The following FBXO24 variants were observed in gnomAD, a reference collection of about 807,000 sequenced individuals.
FBXO24 encodes F-box protein 24, also known as F-box only protein 24.
A neutral mutation model predicts 63.5 loss-of-function variants in FBXO24; 30 were observed. The ratio of observed to expected loss-of-function variants is 0.47; its 90% CI spans 0.35 to 0.64. The LOEUF is 0.64. FBXO24 is among the 30% of genes least tolerant of loss of function. The pLI, the probability that FBXO24 is intolerant of heterozygous loss-of-function variation, is 0.00. For synonymous variants in FBXO24, 300 were observed against 305.0 expected, an observed-to-expected ratio of 0.98 and a Z score of 0.17; for missense variants, 624 against 763.4, an observed-to-expected ratio of 0.82 and a Z score of 2.15.
rs778479682 is a variant in FBXO24 at position 100,591,769 on chromosome 7, C to T, written c.425C>T (p.Thr142Ile). The T allele has an allele frequency of 6.2e-7, 1 of 1,614,268 alleles. No homozygotes were observed. Among genetic ancestry groups the T allele is most frequent in the Non-Finnish European group, 8.5e-7 (1 of 1,180,056 alleles). Residue 142 changes from threonine to isoleucine, a missense_variant, in exon 4 of 10, where the codon ACC (threonine) becomes ATC (isoleucine). By Grantham distance (89) the Thr-to-Ile change is moderately conservative. Around this residue, in one of 3 missense-constraint regions of FBXO24, gnomAD observed 391 missense variants for 469.1 expected, o/e 0.83. Coordinates refer to ENST00000241071, the MANE Select transcript of FBXO24 (RefSeq NM_033506.3). Reference sequence around the variant, plus strand: ...CACGGCTACCGCCGCTTCTTGCCCACCAAGGATCACGTCTTCATTCTTGAC... The same window carrying T: ...CACGGCTACCGCCGCTTCTTGCCCATCAAGGATCACGTCTTCATTCTTGAC... ...LAHGYRRFLP[T>I]KDHVFILDYV...
chr7:100,590,476 C>T (rs955900272), intron 3 of FBXO24, 119 bp downstream of exon 3: 30 of 1,017,256 alleles, frequency 2.9e-5, no homozygotes, highest in African/African-American at 1.6e-4. Flanking sequence ...CCCCTTTCTC[C>T]GGAAGAAACG....
intron 1 of FBXO24, among the ~76,000 whole-genome samples, chr7:100,587,026 G>A (rs989649026): frequency 6.6e-6 from 1 of 152,232 alleles, no homozygotes; most frequent in East Asian, 1.9e-4. Context: ...GACAGGAATG[G>A]AGAGGGGACC....
At position 100,600,516 on chromosome 7, in the gene FBXO24, T is replaced by G; in HGVS notation, c.1378-18T>G. ...GAAAGCACCACTCAGCCATGCCCCC[T>G]TTCTCTCCTCCTCCAAGGTCCCTCT... is the stretch of plus-strand genomic sequence containing the variant. On this transcript the variant is annotated intron_variant, in intron 9 of 9. Coordinates refer to ENST00000241071, the MANE Select transcript of FBXO24 (RefSeq NM_033506.3). The surrounding 1 kb of genome is among the most constrained non-coding windows in gnomAD (Gnocchi z 6.3). The G allele has an allele frequency of 6.5e-7, 1 of 1,532,424 alleles. No individual in the cohort carries two copies. Among genetic ancestry groups the G allele is most frequent in the Non-Finnish European group, 8.8e-7 (1 of 1,140,580 alleles). The allele number at this position is 1,532,424 out of a possible 1,614,324, so 94.9% of individuals were successfully genotyped here.
chr7:100,596,527 T>C (rs1802316991), intron 8 of FBXO24, among the ~76,000 whole-genome samples: 1 of 151,678 alleles, frequency 6.6e-6, no homozygotes, highest in East Asian at 1.9e-4. Context: ...GGTTCTGGAA[T>C]AGGAGAAGGC....
chr7:100,588,465 T>C (rs73156212), intron 1 of FBXO24, among the ~76,000 whole-genome samples: 13 of 152,140 alleles, frequency 8.5e-5, no homozygotes, highest in African/African-American at 3.1e-4. Flanking sequence ...AGCCTAGCCA[T>C]GGCTAGGCAC....
At chr7:100,589,564 G>A (rs1250561629) in intron 1 of FBXO24, 2 of 1,422,408 alleles carry the variant, frequency 1.4e-6, no homozygotes, top group African/African-American at 2.9e-5. Context: ...AGAGAGGTTT[G>A]TTAGCCCCAG....
intron 1 of FBXO24, among the ~76,000 whole-genome samples, chr7:100,588,982 C>A (rs1273853053): frequency 6.6e-6 from 1 of 151,776 alleles, no homozygotes; most frequent in Non-Finnish European, 1.5e-5. Flanking sequence ...ATCACCACGC[C>A]TGGGTAATTT....
At chr7:100,589,915 G>A (rs1431797353) in intron 1 of FBXO24, 62 bp from the exon 2 acceptor site, 22 of 1,572,050 alleles carry the variant, frequency 1.4e-5, no homozygotes, top group South Asian at 5.9e-5. Context: ...CAAGGTAGGC[G>A]GAGAGAAGGG....
At chr7:100,598,687 G>A (rs1303621293) in intron 8 of FBXO24, among the ~76,000 whole-genome samples, 1 of 152,162 alleles carries the variant, frequency 6.6e-6, no homozygotes. Flanking sequence ...AGTTGAAAAT[G>A]CTAGGCTAAG....
chr7:100,595,285 A>C, intron 7 of FBXO24, 62 bp downstream of exon 7: 1 of 1,612,014 alleles, frequency 6.2e-7, no homozygotes, highest in Non-Finnish European at 8.5e-7. Flanking sequence ...GGAAGGTCTG[A>C]AGTATTATAG....
chr7:100,598,998 C>T (rs1303098105), intron 8 of FBXO24, among the ~76,000 whole-genome samples: 1 of 151,432 alleles, frequency 6.6e-6, no homozygotes, highest in Non-Finnish European at 1.5e-5. Context: ...AAAAAAAATG[C>T]TAGAGGCTGA....
chr7:100,586,714 G>A (rs1801773531), intron 1 of FBXO24, 50 bp downstream of exon 1: 2 of 1,607,878 alleles, frequency 1.2e-6, no homozygotes, highest in South Asian at 2.2e-5. Flanking sequence ...GGAGCCCCTG[G>A]CCGGCCGGGA....
At chr7:100,589,796 G>T in intron 1 of FBXO24, 181 bp from the exon 2 acceptor site, 7 of 1,523,660 alleles carry the variant, frequency 4.6e-6, no homozygotes, top group Non-Finnish European at 6.2e-6. Flanking sequence ...GGCTCCGGGT[G>T]AGGGGGATTG....
chr7:100,590,138 C>A (rs753898041), intron 2 of FBXO24, 36 bp from the exon 3 acceptor site: 2 of 1,608,638 alleles, frequency 1.2e-6, no homozygotes, highest in Non-Finnish European at 1.7e-6. Context: ...CGAGGGGCCA[C>A]CAAAGACTCC....
chr7:100,600,267 G>C lies in FBXO24; in HGVS notation c.1377+66G>C. ...AGAGCCATGAACCAGGAAGCCCACA[G>C]GCTGTAGCTGGGGCTCCTGCAGGGA... On this transcript the variant is annotated intron_variant, in intron 9 of 9. Transcript: ENST00000241071. The surrounding 1 kb of genome is among the most constrained non-coding windows in gnomAD (Gnocchi z 6.3). The C allele has an allele frequency of 6.9e-7, 1 of 1,454,082 alleles. No individual in the cohort carries two copies. The highest frequency in any genetic ancestry group is 2.5e-5 in the East Asian group (1 of 40,024). The allele number at this position is 1,454,082 out of a possible 1,614,324, so 90.1% of individuals were successfully genotyped here.
chr7:100,600,463 G>GC lies in FBXO24; in HGVS notation c.1378-68dup. 1 of 1,520,318 alleles carries GC rather than the reference G, an allele frequency of 6.6e-7. No individual in the cohort carries two copies. The highest frequency in any genetic ancestry group is 8.8e-7 in the Non-Finnish European group (1 of 1,135,826). 94.2% of individuals were successfully genotyped at this position (1,520,318 alleles called of 1,614,324 possible). On this transcript the variant is annotated intron_variant, in intron 9 of 9. Coordinates refer to ENST00000241071, the MANE Select transcript of FBXO24 (RefSeq NM_033506.3). This position sits in a 1 kb window ranked among gnomAD's most constrained non-coding sequence, Gnocchi z 6.3. ...AGGGAAGAATGCAATAGGCAGATTA[G>GC]CCCGGGCACCCTGGGAAACCCTGCA...
intron 3 of FBXO24, 94 bp downstream of exon 3, chr7:100,590,451 A>C: frequency 1.5e-6 from 2 of 1,309,124 alleles, no homozygotes; most frequent in Non-Finnish European, 2.1e-6. Context: ...CACACTCCCA[A>C]CAGTGCTTCC....
rs1348900155 is a variant in FBXO24, at chr7:100,592,868, C to A, written c.644C>A (p.Thr215Asn). 3 of 1,614,144 alleles carry A rather than the reference C, an allele frequency of 1.9e-6. No individual in the cohort carries two copies. In the Admixed American group the frequency reaches 5.0e-5, roughly 27 times the overall value. ...CGGGAGCCGCAGGAAGTGGTGGGTA[C>A]CACCAGCAGCCGGGCCTGTGACTGT... ...ATREPQEVVG[T>N]TSSRACDCVE... The change falls in exon 5 of 10, where the codon ACC becomes AAC. Residue 215 changes from threonine to asparagine, a missense_variant. Coordinates refer to ENST00000241071, the MANE Select transcript of FBXO24 (RefSeq NM_033506.3).
In FBXO24 at chr7:100,594,475, C is replaced by G; in HGVS notation, c.886C>G (p.His296Asp). ...TCAGCTGGCCCTGAGGAAGGTGTCC[C>G]ACTACCTGCCTCACCTGCGCGTGGC... is the stretch of plus-strand genomic sequence containing the variant. The part of the protein sequence containing the change: ...TVQLALRKVS[H>D]YLPHLRVACM... Residue 296 changes from histidine to aspartate, a missense_variant, in exon 6 of 10, where the codon CAC (histidine) becomes GAC (aspartate). Around this residue, in one of 3 missense-constraint regions of FBXO24, gnomAD observed 391 missense variants for 469.1 expected, o/e 0.83. Coordinates refer to ENST00000241071, the MANE Select transcript of FBXO24 (RefSeq NM_033506.3). This position sits in a 1 kb window ranked among gnomAD's most constrained non-coding sequence, Gnocchi z 4.2. 6.2e-7 allele frequency: 1 copy of G among 1,613,624 alleles called. No homozygotes were observed. Among genetic ancestry groups the G allele is most frequent in the South Asian group, 1.1e-5 (1 of 91,000 alleles).
Sources: gnomAD v4.1 joint callset for allele counts (sites outside exome capture counted in the v4.1 genomes callset) on GRCh38, gnomAD v4.1.1 for gene constraint, gnomAD v4.1.1 regional missense constraint, Gnocchi (gnomAD v3.1) non-coding constraint, MANE v1.5 for transcripts, NCBI Gene and HGNC (gene_info 2026-07-23, HGNC 2026-07-21) for gene names.